The following CNOT2 variants were observed in gnomAD, a reference collection of about 807,000 sequenced individuals.
CNOT2 encodes the protein CCR4-NOT transcription complex subunit 2.
Under a neutral mutation model 72.1 loss-of-function variants are expected in CNOT2, and 7 were observed. The observed-to-expected ratio is 0.10, with a 90% CI of 0.06 to 0.18. The LOEUF is 0.18. Among genes scored for constraint, CNOT2 ranks in the 10% least tolerant of loss-of-function variants. The pLI, the probability that CNOT2 is intolerant of heterozygous loss-of-function variation, is 1.00. For synonymous variants in CNOT2, 196 were observed against 225.6 expected, an observed-to-expected ratio of 0.87 and a Z score of 1.17; for missense variants, 345 against 660.3, an observed-to-expected ratio of 0.52 and a Z score of 5.23.
At chr12:70,304,241 G>T (rs1333871253) in intron 2 of CNOT2, among the ~76,000 whole-genome samples, 2 of 152,104 alleles carry the variant, frequency 1.3e-5, no homozygotes, top group African/African-American at 4.8e-5. Context: ...TCCGTTGCTG[G>T]TGAGGAGCTA....
chr12:70,335,326 G>C, intron 7 of CNOT2, 112 bp from the exon 8 acceptor site: 1 of 747,722 alleles, frequency 1.3e-6, no homozygotes, highest in Non-Finnish European at 2.3e-6. Context: ...ACAGTGCCGT[G>C]CATTATTTAG....
chr12:70,305,128 C>G, intron 2 of CNOT2, among the ~76,000 whole-genome samples: 1 of 152,234 alleles, frequency 6.6e-6, no homozygotes, highest in East Asian at 1.9e-4. Flanking sequence ...CCGGGTGAGG[C>G]GATGCCCCGC....
intron 1 of CNOT2, among the ~76,000 whole-genome samples, chr12:70,277,825 G>C (rs1167394025): frequency 2.0e-5 from 3 of 152,094 alleles, no homozygotes; most frequent in Admixed American, 6.5e-5. Flanking sequence ...TCAGTTGTGG[G>C]AGGGGTAAAC....
At chr12:70,294,043 T>G in intron 2 of CNOT2, 1 of 1,100,058 alleles carries the variant, frequency 9.1e-7, no homozygotes, top group Non-Finnish European at 1.2e-6. Flanking sequence ...TTCAGATCTT[T>G]ATAGCATGAT....
chr12:70,311,030 A>G lies in CNOT2; in HGVS notation c.171+13A>G, dbSNP rs752836290. The G allele has an allele frequency of 1.1e-5, 17 of 1,576,784 alleles. No homozygotes were observed. Among genetic ancestry groups the G allele is most frequent in the Middle Eastern group, 1.7e-4 (1 of 5,824 alleles). On this transcript the variant is annotated intron_variant, in intron 3 of 15. Coordinates refer to ENST00000229195, the MANE Select transcript of CNOT2 (RefSeq NM_014515.7). ...GTCAGAAAAAGATGTAAGTTAATCA[A>G]TTATGTTGTATTTTTTCAGCAATGT...
intron 3 of CNOT2, among the ~76,000 whole-genome samples, chr12:70,316,778 T>C (rs1235260890): frequency 1.3e-5 from 2 of 152,114 alleles, no homozygotes; most frequent in Non-Finnish European, 2.9e-5. Flanking sequence ...ACCACCTCTT[T>C]ACCTTCATGC....
Position 70,311,013 on chromosome 12 carries a change from A to G in CNOT2, c.167A>G (p.Lys56Arg). Residue 56 changes from lysine (K) to arginine (R), a missense_variant, in exon 3 of 16, where the codon AAA (lysine) becomes AGA (arginine). By Grantham distance (26) the Lys-to-Arg change is conservative. Transcript: ENST00000229195. ...QSSMFPHRSE[K>R]DMLASPSTSG... is the part of the protein sequence containing the mutation. The stretch of plus-strand genomic sequence containing the variant: ...TCTATGTTTCCACATCGGTCAGAAA[A>G]AGATGTAAGTTAATCAATTATGTTG... 1 of 1,598,406 alleles carries G rather than the reference A, an allele frequency of 6.3e-7. No individual in the cohort carries two copies. Among genetic ancestry groups the G allele is most frequent in the Non-Finnish European group, 8.6e-7 (1 of 1,166,948 alleles).
chr12:70,350,400 T>A (rs1310076952), intron 15 of CNOT2, among the ~76,000 whole-genome samples: 1 of 152,254 alleles, frequency 6.6e-6, no homozygotes, highest in Non-Finnish European at 1.5e-5. Context: ...TTTAGTAATG[T>A]GTACTTTTCT....
chr12:70,244,856 T>G (rs1015853179), intron 1 of CNOT2, among the ~76,000 whole-genome samples: 1 of 152,256 alleles, frequency 6.6e-6, no homozygotes, highest in African/African-American at 2.4e-5. Flanking sequence ...AGTGTCATGC[T>G]TAATATTAGG....
chr12:70,332,591 G>A (rs1422517858), intron 6 of CNOT2, 176 bp from the exon 7 acceptor site: 1 of 959,018 alleles, frequency 1.0e-6, no homozygotes, highest in Non-Finnish European at 1.4e-6. Context: ...TTCATGGAAG[G>A]ACTTTAGAGA....
At chr12:70,279,204 A>G (rs996704466) in intron 2 of CNOT2, among the ~76,000 whole-genome samples, 1 of 152,202 alleles carries the variant, frequency 6.6e-6, no homozygotes, top group African/African-American at 2.4e-5. Flanking sequence ...TTATCTGCTA[A>G]CCATTTATTT....
At chr12:70,292,915 T>C (rs1340380958) in intron 2 of CNOT2, among the ~76,000 whole-genome samples, 2 of 152,208 alleles carry the variant, frequency 1.3e-5, no homozygotes, top group East Asian at 3.8e-4. Flanking sequence ...TACTTTTCAT[T>C]TTTAATTACT....
intron 2 of CNOT2, among the ~76,000 whole-genome samples, chr12:70,303,258 T>G (rs1335447761): frequency 2.6e-5 from 4 of 152,174 alleles, no homozygotes; most frequent in Non-Finnish European, 4.4e-5. Flanking sequence ...ATCCTGTCAT[T>G]ATGATGTTAG....
chr12:70,304,062 T>TTAA (rs1874703760), intron 2 of CNOT2, among the ~76,000 whole-genome samples: 1 of 152,230 alleles, frequency 6.6e-6, no homozygotes, highest in Non-Finnish European at 1.5e-5. Flanking sequence ...ATCAGGTCCT[T>TTAA]TAAGGACTTC....
At chr12:70,314,737 A>G (rs1350604087) in intron 3 of CNOT2, among the ~76,000 whole-genome samples, 3 of 152,166 alleles carry the variant, frequency 2.0e-5, no homozygotes, top group Non-Finnish European at 4.4e-5. Context: ...TAGTAGATGC[A>G]TATCATCAGT....
At chr12:70,247,871 G>A (rs1448683846) in intron 1 of CNOT2, among the ~76,000 whole-genome samples, 1 of 152,212 alleles carries the variant, frequency 6.6e-6, no homozygotes. Context: ...GATTGGAAAA[G>A]TGGTGGGGAG....
rs189751564 is a variant in CNOT2, at chr12:70,307,139, A to G, written c.49-3756A>G. 3.6e-3 allele frequency among the ~76,000 whole-genome samples: 555 copies of G among 152,310 alleles called. 3 individuals carry two copies. The highest frequency in any genetic ancestry group is 0.012 in the African/African-American group (507 of 41,568). On this transcript the variant is annotated intron_variant, in intron 2 of 15. Transcript: ENST00000229195. ...ATGTAAAGGCTTAGGACATTACAGT[A>G]TACTACTGTGGACATTGGAAACACT...
intron 1 of CNOT2, among the ~76,000 whole-genome samples, chr12:70,275,493 T>A (rs1868623111): frequency 6.6e-6 from 1 of 152,076 alleles, no homozygotes; most frequent in African/African-American, 2.4e-5. Context: ...CGTTTGTTCT[T>A]TTTCTTGACG....
chr12:70,353,330 C>T (rs1883104244), intron 15 of CNOT2, among the ~76,000 whole-genome samples: 1 of 152,064 alleles, frequency 6.6e-6, no homozygotes, highest in Admixed American at 6.6e-5. Flanking sequence ...CCACCTAAGC[C>T]TCCCAAAGTG....
Sources: allele counts gnomAD v4.1 joint callset (sites outside exome capture counted in the v4.1 genomes callset), GRCh38; gene constraint gnomAD v4.1.1; transcripts MANE v1.5; gene names NCBI Gene and HGNC (gene_info 2026-07-23, HGNC 2026-07-21).